The following CES5A variants were observed in gnomAD, a reference collection of about 807,000 sequenced individuals.
CES5A encodes the protein carboxylesterase 5A.
A neutral mutation model predicts 62.9 loss-of-function variants in CES5A; 67 were observed. That is an observed-to-expected ratio of 1.07 (90% CI 0.88 to 1.31). The LOEUF (loss-of-function observed/expected upper bound fraction) is 1.31. CES5A is among the 50% of genes most tolerant of loss of function. The pLI, the probability that CES5A is intolerant of heterozygous loss-of-function variation, is 0.00. For missense variants in CES5A, 748 were observed against 708.5 expected (o/e 1.06, Z -0.63); for synonymous variants, 296 against 280.8 (o/e 1.05, Z -0.54).
chr16:55,868,278 A>T (rs1300092495), intron 4 of CES5A, among the ~76,000 whole-genome samples: 1 of 152,242 alleles, frequency 6.6e-6, no homozygotes, highest in Non-Finnish European at 1.5e-5. Flanking sequence ...GCACCCCGTC[A>T]GCCTCTCCTG....
Position 55,849,712 on chromosome 16 carries a change from C to T in CES5A, c.1335G>A (p.Thr445=), listed in dbSNP as rs747962253. The part of the protein sequence containing the change: ...FRHRPQCFED[T]KPAFVKADHA... ...GGTCGGCTTTGACAAAAGCTGGCTT[C>T]GTGTCTTCAAAGCACTGAGGCCGGT... The change falls in exon 11 of 13, where the codon ACG becomes ACA. Residue 445 remains threonine (T), a synonymous_variant. Coordinates refer to ENST00000290567, the MANE Select transcript of CES5A (RefSeq NM_001143685.2). 7.4e-6 allele frequency: 12 copies of T among 1,613,998 alleles called. No individual in the cohort carries two copies. Among genetic ancestry groups the T allele is most frequent in the South Asian group, 3.3e-5 (3 of 91,074 alleles).
intron 1 of CES5A, among the ~76,000 whole-genome samples, chr16:55,921,657 T>C (rs1489527500): frequency 1.4e-5 from 2 of 141,098 alleles, no homozygotes. Context: ...AAAAAAACCA[T>C]TGAAGTGCAA....
chr16:55,907,016 C>T (rs2034046062), intron 1 of CES5A, among the ~76,000 whole-genome samples: 1 of 152,338 alleles, frequency 6.6e-6, no homozygotes, highest in South Asian at 2.1e-4. Context: ...AAAGTTATTA[C>T]ACATCTTATG....
chr16:55,868,395 TTTTTGCACAGGTAGCAC>T (rs2033509713), intron 4 of CES5A, among the ~76,000 whole-genome samples: 2 of 152,248 alleles, frequency 1.3e-5, no homozygotes, highest in East Asian at 3.9e-4. Flanking sequence ...AACTTCCTAG[TTTTTGCACAGGTAGCAC>T]CCTTTGCCAA....
At position 55,922,654 on chromosome 16, in the gene CES5A, G is replaced by A. The variant is rs546449790; in HGVS notation, c.-256+2669C>T. ...GACAGATCATGCAGACAGAAAATCA[G>A]CAAACACTGGAGTTAAACTACACAC... is the stretch of plus-strand genomic sequence containing the variant. On this transcript the variant is annotated intron_variant, in intron 1 of 12. Coordinates refer to the CES5A transcript ENST00000518005. Among the ~76,000 whole-genome samples, 3 of 151,860 alleles carry A rather than the reference G, an allele frequency of 2.0e-5. No homozygotes were observed. The South Asian group carries it at 6.2e-4, about 32-fold the overall frequency.
intron 10 of CES5A, among the ~76,000 whole-genome samples, chr16:55,850,792 G>A (rs1248234698): frequency 6.6e-6 from 1 of 152,106 alleles, no homozygotes; most frequent in Non-Finnish European, 1.5e-5. Context: ...CCTTTTTGAG[G>A]AACGGCCACA....
chr16:55,921,425 T>C (rs1012021294), intron 1 of CES5A, among the ~76,000 whole-genome samples: 6 of 151,842 alleles, frequency 4.0e-5, no homozygotes, highest in African/African-American at 1.2e-4. Context: ...GACTTCTCAA[T>C]GGAAATCATA....
intron 1 of CES5A, among the ~76,000 whole-genome samples, chr16:55,914,405 GTGTTAGCC>G (rs2034123975): frequency 6.6e-6 from 1 of 152,202 alleles, no homozygotes; most frequent in Non-Finnish European, 1.5e-5. Flanking sequence ...TCAGGATTTT[GTGTTAGCC>G]CAGCTGTCTC....
At chr16:55,941,086 G>A (rs2034440741) in intron 2 of CES5A, among the ~76,000 whole-genome samples, 1 of 151,940 alleles carries the variant, frequency 6.6e-6, no homozygotes, top group Admixed American at 6.6e-5. Flanking sequence ...TATCAGATTG[G>A]GAGAAAGGCA....
chr16:55,862,930 C>A (rs2033382220), intron 6 of CES5A, among the ~76,000 whole-genome samples: 1 of 152,134 alleles, frequency 6.6e-6, no homozygotes, highest in African/African-American at 2.4e-5. Flanking sequence ...TAATCCCATG[C>A]CAGACAACGT....
At chr16:55,847,477 C>T (rs901409914) in intron 11 of CES5A, among the ~76,000 whole-genome samples, 11 of 152,166 alleles carry the variant, frequency 7.2e-5, no homozygotes, top group African/African-American at 2.4e-4. Flanking sequence ...ATCCAAAATG[C>T]AGAAAGAGAT....
intron 1 of CES5A, among the ~76,000 whole-genome samples, chr16:55,897,058 G>A (rs117164793): frequency 0.01 from 1,555 of 148,918 alleles, 14 homozygotes; most frequent in Non-Finnish European, 0.018. Flanking sequence ...CCCCATCCCC[G>A]CATCCCCCCC....
At chr16:55,948,845 G>A (rs2034524965) in intron 2 of CES5A, among the ~76,000 whole-genome samples, 1 of 152,296 alleles carries the variant, frequency 6.6e-6, no homozygotes, top group Middle Eastern at 3.4e-3. Context: ...TTAATGTGGT[G>A]TTAGAGTTTG....
intron 1 of CES5A, among the ~76,000 whole-genome samples, chr16:55,887,246 C>T (rs2033826005): frequency 6.6e-6 from 1 of 151,916 alleles, no homozygotes; most frequent in Non-Finnish European, 1.5e-5. Context: ...TGTGGAATAT[C>T]AGGTCGTTTT....
intron 2 of CES5A, among the ~76,000 whole-genome samples, chr16:55,937,638 G>A (rs1022315023): frequency 6.6e-6 from 1 of 152,202 alleles, no homozygotes; most frequent in African/African-American, 2.4e-5. Flanking sequence ...CAACTGGGAC[G>A]CCTGCAAAGA....
At chr16:55,952,845 T>C (rs189034578) in intron 1 of CES5A, among the ~76,000 whole-genome samples, 1 of 152,190 alleles carries the variant, frequency 6.6e-6, no homozygotes, top group Admixed American at 6.5e-5. Flanking sequence ...ATTCAAAAAA[T>C]CCATAATCCC....
intron 1 of CES5A, among the ~76,000 whole-genome samples, chr16:55,892,686 G>A (rs2033892645): frequency 6.7e-6 from 1 of 149,794 alleles, no homozygotes; most frequent in Non-Finnish European, 1.5e-5. Flanking sequence ...GGACATAGAA[G>A]CTTTTAAAAG....
In CES5A at chr16:55,849,612, CCA is replaced by C. The variant is rs764510769; in HGVS notation, c.1423+10_1423+11del. Reference sequence around the variant, plus strand: ...GCTTCATGTGAACTGTGGGAAGTGGCCAGTCCCTTACCGAACATAACAATGTC... The same window carrying C: ...GCTTCATGTGAACTGTGGGAAGTGGCGTCCCTTACCGAACATAACAATGTC... On this transcript the variant is annotated intron_variant, in intron 11 of 12. Transcript: ENST00000290567. The C allele has an allele frequency of 6.2e-7, 1 of 1,613,564 alleles. No individual in the cohort carries two copies. Among genetic ancestry groups the C allele is most frequent in the African/African-American group, 1.3e-5 (1 of 75,044 alleles).
intron 10 of CES5A, among the ~76,000 whole-genome samples, chr16:55,850,472 TACA>T (rs1194556804): frequency 6.6e-6 from 1 of 152,242 alleles, no homozygotes; most frequent in Non-Finnish European, 1.5e-5. Flanking sequence ...AATGGGATCA[TACA>T]ACATGTGGCC....
Sources: allele counts gnomAD v4.1 joint callset (sites outside exome capture counted in the v4.1 genomes callset), GRCh38; gene constraint gnomAD v4.1.1; transcripts MANE v1.5; gene names NCBI Gene and HGNC (gene_info 2026-07-23, HGNC 2026-07-21).